Variants in SMUG1 observed in about 807,000 individuals in gnomAD.
The protein encoded by SMUG1 is single-strand selective monofunctional uracil DNA glycosylase.
In SMUG1, 13 loss-of-function variants were observed where a neutral mutation model predicts 23.9. The observed-to-expected ratio is 0.54, with a 90% CI of 0.35 to 0.86. The LOEUF is 0.86. Among genes scored for constraint, SMUG1 ranks in the 40% least tolerant of loss-of-function variants. SMUG1 has a pLI of 0.01. For synonymous variants in SMUG1, 133 were observed against 139.8 expected (o/e 0.95, Z 0.34); for missense variants, 313 against 339.5 (o/e 0.92, Z 0.61).
intron 3 of SMUG1, chr12:54,183,356 G>T: frequency 1.9e-6 from 1 of 536,578 alleles, no homozygotes; most frequent in Non-Finnish European, 3.3e-6. Flanking sequence ...CCACACTTCA[G>T]GGACAGGGGA....
chr12:54,167,579 G>T (rs571413297), intron 3 of SMUG1, among the ~76,000 whole-genome samples: 1 of 138,932 alleles, frequency 7.2e-6, no homozygotes, highest in South Asian at 2.3e-4. Flanking sequence ...CCAGTCCATG[G>T]TGCCCTAATG....
intron 3 of SMUG1, among the ~76,000 whole-genome samples, chr12:54,170,301 G>A (rs916963286): frequency 2.0e-5 from 3 of 152,004 alleles, no homozygotes; most frequent in South Asian, 2.1e-4. Flanking sequence ...CCATCTAGCC[G>A]CAGCTCTCTT....
chr12:54,186,849 G>A (rs1942594662), intron 2 of SMUG1: 2 of 152,202 alleles, frequency 1.3e-5, no homozygotes, highest in Admixed American at 1.3e-4. Context: ...ACAAACACCT[G>A]CTCAGCAATG....
intron 2 of SMUG1, chr12:54,172,844 C>G (rs1365940946): frequency 5.2e-5 from 8 of 152,440 alleles, no homozygotes; most frequent in African/African-American, 1.9e-4. Flanking sequence ...CAGGGTAAGC[C>G]CACCACCTGC....
intron 3 of SMUG1, among the ~76,000 whole-genome samples, chr12:54,170,989 TTC>T (rs922243720): frequency 2.1e-5 from 3 of 146,318 alleles, no homozygotes; most frequent in Non-Finnish European, 4.5e-5. Context: ...GCCCTTCACT[TTC>T]TTTCTTTCTT....
At chr12:54,165,531 G>T (rs939985782) in intron 3 of SMUG1, 1 of 152,116 alleles carries the variant, frequency 6.6e-6, no homozygotes, top group Non-Finnish European at 1.5e-5. Flanking sequence ...AATTAGCCAG[G>T]CATGCTGATG....
chr12:54,171,686 C>CA (rs55830557), intron 3 of SMUG1, among the ~76,000 whole-genome samples: 43,955 of 68,978 alleles, frequency 0.64, 13,455 homozygotes, highest in South Asian at 0.73. Context: ...AGTCTTGTCT[C>CA]AAAAAAAAAA....
chr12:54,186,764 T>C (rs939908747), intron 2 of SMUG1: 1 of 152,260 alleles, frequency 6.6e-6, no homozygotes, highest in Non-Finnish European at 1.5e-5. Flanking sequence ...CCAGCTAAAC[T>C]TGGGCAGATC....
At chr12:54,176,416 G>A (rs1011560499), downstream of SMUG1, among the ~76,000 whole-genome samples, 7 of 151,582 alleles carry the variant, frequency 4.6e-5, no homozygotes, top group African/African-American at 1.7e-4. Context: ...GGAGGCTGAG[G>A]TGGGAGGACA....
At chr12:54,158,958 G>C (rs932695245) in intron 4 of SMUG1, among the ~76,000 whole-genome samples, 1 of 152,272 alleles carries the variant, frequency 6.6e-6, no homozygotes, top group Middle Eastern at 3.4e-3. Flanking sequence ...GGATGGCCTT[G>C]GAGAAAGGTC....
At chr12:54,173,568 A>C (rs1016811916) in intron 2 of SMUG1, among the ~76,000 whole-genome samples, 1 of 152,066 alleles carries the variant, frequency 6.6e-6, no homozygotes, top group Non-Finnish European at 1.5e-5. Flanking sequence ...CCCGCCGCCG[A>C]GCCCGCTCCA....
rs541683930 is a variant in SMUG1, at chr12:54,182,385, C to T, written c.524G>A (p.Arg175His). Residue 175 changes from arginine (R) to histidine (H), a missense_variant, in exon 4 of 4, where the codon CGC becomes CAC. Physicochemically the swap from Arg to His is conservative, Grantham distance 29 (BLOSUM62 0). Coordinates refer to ENST00000682136, the MANE Select transcript of SMUG1 (RefSeq NM_001243787.2). ...AGGCAGCTCAGCAGGAGTAAGGTTGCGCCCGCTGGGAGCCAGGAAAAGCAG... is the reference window on the plus strand; with the variant it reads ...AGGCAGCTCAGCAGGAGTAAGGTTGTGCCCGCTGGGAGCCAGGAAAAGCAG... ...CPLLFLAPSGRNLTPAELPAK... is the reference protein window; with the variant it reads ...CPLLFLAPSGHNLTPAELPAK... 1.7e-5 allele frequency: 27 copies of T among 1,614,140 alleles called. No individual in the cohort carries two copies. The highest frequency in any genetic ancestry group is 1.3e-4 in the Admixed American group (8 of 60,022).
intron 1 of SMUG1, among the ~76,000 whole-genome samples, chr12:54,188,305 AAT>A (rs1281767183): frequency 6.0e-4 from 69 of 114,470 alleles, no homozygotes; most frequent in African/African-American, 2.1e-3. Context: ...AAATAATAAT[AAT>A]AATAATAATA....
At chr12:54,158,334 C>T (rs1940111162) in intron 4 of SMUG1, among the ~76,000 whole-genome samples, 1 of 152,194 alleles carries the variant, frequency 6.6e-6, no homozygotes, top group African/African-American at 2.4e-5. Context: ...AGCCAAAATG[C>T]CTGGTGCTAC....
In SMUG1 at chr12:54,181,608, G is replaced by A; in HGVS notation, c.*488C>T. The A allele has an allele frequency of 2.5e-6, 4 of 1,582,310 alleles. No homozygotes were observed. The highest frequency in any genetic ancestry group is 3.4e-6 in the Non-Finnish European group (4 of 1,171,656). ...ATCCAGCTGCAGCCTCCCATAAGAA[G>A]TTCACTCTTAATTTCATGTCCCATG... is the stretch of plus-strand genomic sequence containing the variant. On this transcript the variant is annotated 3_prime_UTR_variant, in exon 4 of 4. Coordinates refer to ENST00000682136, the MANE Select transcript of SMUG1 (RefSeq NM_001243787.2).
At chr12:54,183,388 G>A in intron 3 of SMUG1, 1 of 569,868 alleles carries the variant, frequency 1.8e-6, no homozygotes, top group Non-Finnish European at 3.1e-6. Flanking sequence ...GTAAGGATGG[G>A]GCTGGCGGAA....
At chr12:54,185,833 T>C (rs1390177256) in intron 2 of SMUG1, among the ~76,000 whole-genome samples, 1 of 150,048 alleles carries the variant, frequency 6.7e-6, no homozygotes, top group African/African-American at 2.5e-5. Context: ...CAAACAGACG[T>C]AAGGATGGAA....
downstream of SMUG1, among the ~76,000 whole-genome samples, chr12:54,175,636 G>A (rs1279327750): frequency 6.6e-6 from 1 of 152,158 alleles, no homozygotes; most frequent in Non-Finnish European, 1.5e-5. Context: ...CTCATTCAGT[G>A]TGCCCAGAGC....
chr12:54,178,611 G>A (rs1355920013), downstream of SMUG1, among the ~76,000 whole-genome samples: 1 of 152,008 alleles, frequency 6.6e-6, no homozygotes, highest in African/African-American at 2.4e-5. Flanking sequence ...ACCTATTGTT[G>A]GGTATTTTCA....
Sources: gnomAD v4.1 joint callset for allele counts (sites outside exome capture counted in the v4.1 genomes callset) on GRCh38, gnomAD v4.1.1 for gene constraint, MANE v1.5 for transcripts, NCBI Gene and HGNC (gene_info 2026-07-23, HGNC 2026-07-21) for gene names.